Variants in METTL25 observed in about 807,000 individuals in gnomAD.
The protein encoded by METTL25 is probable methyltransferase-like protein 25.
In METTL25, 64 loss-of-function variants were observed where a neutral mutation model predicts 71.6. That is an observed-to-expected ratio of 0.89 (90% confidence interval 0.73 to 1.10). METTL25 has a LOEUF of 1.10. METTL25 is among the 50% of genes least tolerant of loss of function. METTL25 has a pLI of 0.00. For missense variants in METTL25, 807 were observed against 707.0 expected, an observed-to-expected ratio of 1.14 and a Z score of -1.60; for synonymous variants, 287 against 250.3, an observed-to-expected ratio of 1.15 and a Z score of -1.38.
chr12:82,463,654 C>T (rs2137278791), intron 9 of METTL25, among the ~76,000 whole-genome samples: 1 of 152,060 alleles, frequency 6.6e-6, no homozygotes, highest in Non-Finnish European at 1.5e-5. Context: ...TTTCTGGAAC[C>T]TCTATCCTCT....
At chr12:82,360,300 G>A (rs956050844) in intron 1 of METTL25, among the ~76,000 whole-genome samples, 24 of 152,052 alleles carry the variant, frequency 1.6e-4, no homozygotes, top group Admixed American at 1.4e-3. Flanking sequence ...TGTGCTAAGT[G>A]TCTTCATGTG....
chr12:82,401,824 G>C (rs1592658577), intron 4 of METTL25, among the ~76,000 whole-genome samples: 1 of 151,954 alleles, frequency 6.6e-6, no homozygotes, highest in African/African-American at 2.4e-5. Flanking sequence ...ACTAAAACAT[G>C]ATCTTTACAT....
chr12:82,410,458 T>C (rs1016100068), intron 5 of METTL25, among the ~76,000 whole-genome samples: 3 of 152,124 alleles, frequency 2.0e-5, no homozygotes, highest in Non-Finnish European at 4.4e-5. Context: ...TTGGAGGATA[T>C]TGAGGAATAA....
chr12:82,427,112 A>T (rs570924780), intron 5 of METTL25, among the ~76,000 whole-genome samples: 1 of 152,052 alleles, frequency 6.6e-6, no homozygotes, highest in Non-Finnish European at 1.5e-5. Context: ...TTGCCTATAT[A>T]TACTGCCTCT....
chr12:82,379,221 G>T (rs901817008), intron 1 of METTL25, among the ~76,000 whole-genome samples: 1 of 152,152 alleles, frequency 6.6e-6, no homozygotes, highest in African/African-American at 2.4e-5. Flanking sequence ...CTACAGTGGT[G>T]TTCAGAAATG....
chr12:82,423,422 C>T (rs546208262), intron 5 of METTL25, among the ~76,000 whole-genome samples: 22 of 152,208 alleles, frequency 1.4e-4, no homozygotes, highest in South Asian at 4.1e-4. Flanking sequence ...CATGTTAGAC[C>T]GAAAACCATA....
intron 8 of METTL25, among the ~76,000 whole-genome samples, chr12:82,443,714 T>C (rs1388897401): frequency 6.6e-6 from 1 of 152,102 alleles, no homozygotes; most frequent in African/African-American, 2.4e-5. Context: ...AGGCAAAGTA[T>C]AGACAGCATG....
At chr12:82,379,411 A>C (rs1884206224) in intron 1 of METTL25, among the ~76,000 whole-genome samples, 1 of 152,200 alleles carries the variant, frequency 6.6e-6, no homozygotes, top group Non-Finnish European at 1.5e-5. Context: ...TGATTTATCA[A>C]ATTTGAATTT....
chr12:82,390,530 G>T (rs1885474690), intron 3 of METTL25, among the ~76,000 whole-genome samples: 1 of 152,040 alleles, frequency 6.6e-6, no homozygotes, highest in African/African-American at 2.4e-5. Flanking sequence ...AAAATAGTAA[G>T]TTTTTTCTTA....
intron 9 of METTL25, among the ~76,000 whole-genome samples, chr12:82,471,300 G>T (rs1263988252): frequency 1.3e-5 from 2 of 152,174 alleles, no homozygotes; most frequent in East Asian, 3.9e-4. Context: ...CCACTAGATG[G>T]GGCCACATTC....
At chr12:82,424,440 A>G (rs1888819278) in intron 5 of METTL25, among the ~76,000 whole-genome samples, 1 of 152,136 alleles carries the variant, frequency 6.6e-6, no homozygotes, top group African/African-American at 2.4e-5. Flanking sequence ...AATGTAAATG[A>G]CGAGTTAATG....
Position 82,373,757 on chromosome 12 carries a change from A to G in METTL25, c.260-13046A>G, listed in dbSNP as rs889121006. On this transcript the variant is annotated intron_variant, in intron 1 of 11. Transcript: ENST00000248306. ...CTCAGCCCAGAAGTACAGGAAAAGC[A>G]GAAGCTGGTTCCAGGCAAACCAGTG... Among the ~76,000 whole-genome samples the G allele has an allele frequency of 9.8e-5, 15 of 152,340 alleles. 1 individual carries two copies. Among genetic ancestry groups the G allele is most frequent in the Non-Finnish European group, 8.8e-5 (6 of 68,034 alleles).
At chr12:82,366,038 C>T (rs559848504) in intron 1 of METTL25, among the ~76,000 whole-genome samples, 30 of 152,064 alleles carry the variant, frequency 2.0e-4, no homozygotes, top group Middle Eastern at 3.4e-3. Context: ...GCCGAGACTG[C>T]GCCACTGCAC....
chr12:82,410,594 A>AT (rs746358091), intron 5 of METTL25, among the ~76,000 whole-genome samples: 2 of 152,074 alleles, frequency 1.3e-5, no homozygotes, highest in Non-Finnish European at 2.9e-5. Flanking sequence ...TAGAACACGT[A>AT]TTTTTTTAGG....
Position 82,389,836 on chromosome 12 carries a change from G to C in METTL25, c.445G>C (p.Glu149Gln). The C allele has an allele frequency of 6.2e-7, 1 of 1,601,882 alleles. No individual in the cohort carries two copies. Among genetic ancestry groups the C allele is most frequent in the South Asian group, 1.1e-5 (1 of 89,458 alleles). Residue 149 changes from glutamate (E) to glutamine (Q), a missense_variant, in exon 3 of 12, where the codon GAG (glutamate) becomes CAG (glutamine). Transcript: ENST00000248306. ...QRIGENQKAV[E>Q]FMNMKKSHEV... The stretch of plus-strand genomic sequence containing the variant: ...ATTAGGTGAAAATCAGAAGGCAGTT[G>C]AGTTTATGAATATGAAGAAATCTCA...
At chr12:82,430,621 T>A (rs965288700) in intron 5 of METTL25, among the ~76,000 whole-genome samples, 2 of 151,776 alleles carry the variant, frequency 1.3e-5, no homozygotes, top group Admixed American at 1.3e-4. Flanking sequence ...CATTTTAAAT[T>A]GCTAAATCTT....
chr12:82,450,439 T>C (rs1376250744), intron 8 of METTL25, among the ~76,000 whole-genome samples: 2 of 152,144 alleles, frequency 1.3e-5, no homozygotes, highest in Non-Finnish European at 2.9e-5. Flanking sequence ...GGACCATCAC[T>C]CTGGTCCAAG....
At chr12:82,423,771 A>C (rs950558631) in intron 5 of METTL25, among the ~76,000 whole-genome samples, 1 of 152,246 alleles carries the variant, frequency 6.6e-6, no homozygotes, top group Non-Finnish European at 1.5e-5. Flanking sequence ...TGCAGCCAAC[A>C]GGCACATGAA....
intron 1 of METTL25, among the ~76,000 whole-genome samples, chr12:82,374,600 C>T (rs960599807): frequency 4.6e-5 from 7 of 152,188 alleles, no homozygotes; most frequent in Non-Finnish European, 8.8e-5. Context: ...TAGAAAAGTT[C>T]TCCAAGTCCC....
Sources: gnomAD v4.1 joint callset for allele counts (sites outside exome capture counted in the v4.1 genomes callset) on GRCh38, gnomAD v4.1.1 for gene constraint, MANE v1.5 for transcripts, NCBI Gene and HGNC (gene_info 2026-07-23, HGNC 2026-07-21) for gene names.